The following PTTG1IP2 variants were observed in gnomAD, a reference collection of about 807,000 sequenced individuals.
PTTG1IP2 encodes the protein PTTG1IP family member 2.
chr7:90,484,032 GT>G (rs953015770), intron 2 of PTTG1IP2, among the ~76,000 whole-genome samples: 101 of 143,344 alleles, frequency 7.0e-4, no homozygotes, highest in Middle Eastern at 3.7e-3. Flanking sequence ...TTTCTGGATA[GT>G]TTTTTTTTTT....
At chr7:90,501,718 A>T (rs947877548) in intron 6 of PTTG1IP2, among the ~76,000 whole-genome samples, 1 of 152,162 alleles carries the variant, frequency 6.6e-6, no homozygotes, top group Non-Finnish European at 1.5e-5. Flanking sequence ...CAATCATCTG[A>T]ACATTTAGAA....
At chr7:90,500,173 C>G (rs565704063) in intron 6 of PTTG1IP2, among the ~76,000 whole-genome samples, 1 of 152,090 alleles carries the variant, frequency 6.6e-6, no homozygotes, top group South Asian at 2.1e-4. Flanking sequence ...AAGATTGTGC[C>G]GCTGCACTCC....
chr7:90,495,340 T>C (rs1173483121), intron 6 of PTTG1IP2, among the ~76,000 whole-genome samples: 2 of 152,214 alleles, frequency 1.3e-5, no homozygotes, highest in Non-Finnish European at 2.9e-5. Flanking sequence ...GCACTTAAAG[T>C]TCATCCTACC....
intron 6 of PTTG1IP2, among the ~76,000 whole-genome samples, chr7:90,497,321 T>C (rs899376088): frequency 6.6e-5 from 10 of 151,888 alleles, no homozygotes; most frequent in African/African-American, 9.7e-5. Flanking sequence ...TCCCAACACT[T>C]TGGGAAGCCG....
chr7:90,485,072 G>T (rs536730072), intron 2 of PTTG1IP2, among the ~76,000 whole-genome samples: 1 of 152,140 alleles, frequency 6.6e-6, no homozygotes, highest in African/African-American at 2.4e-5. Context: ...GTAGGAATAG[G>T]GTGAGGGAAA....
chr7:90,494,872 T>C (rs889493984), intron 6 of PTTG1IP2, among the ~76,000 whole-genome samples: 1 of 152,138 alleles, frequency 6.6e-6, no homozygotes, highest in African/African-American at 2.4e-5. Context: ...TAGCTGGGCA[T>C]GGTTGCATGT....
intron 1 of PTTG1IP2, among the ~76,000 whole-genome samples, chr7:90,478,158 G>C (rs1278724139): frequency 6.6e-6 from 1 of 151,004 alleles, no homozygotes; most frequent in Non-Finnish European, 1.5e-5. Context: ...GGGTATACAG[G>C]AACTCCCTGT....
chr7:90,480,485 G>A lies in PTTG1IP2; in HGVS notation c.192+1211G>A, dbSNP rs369336437. ...CTTTATACCCCGAAGAGCCATCTTG[G>A]TCAATTTTTTTAATGTATGCTCTTC... On this transcript the variant is annotated intron_variant, in intron 2 of 6. Coordinates refer to ENST00000509356, the MANE Select transcript of PTTG1IP2 (RefSeq NM_001365443.2). Among the ~76,000 whole-genome samples the A allele has an allele frequency of 1.8e-4, 27 of 152,064 alleles. 1 individual carries two copies. In the East Asian group the frequency reaches 2.1e-3, roughly 12 times the overall value.
rs1797659057 is a variant in PTTG1IP2, at chr7:90,469,712, C to CG, written c.-72dup. 2 of 152,722 alleles carry CG rather than the reference C, an allele frequency of 1.3e-5. No homozygotes were observed. The highest frequency in any genetic ancestry group is 6.5e-5 in the Admixed American group (1 of 15,292). 9.5% of individuals were successfully genotyped at this position (152,722 alleles called of 1,614,324 possible). On this transcript the variant is annotated 5_prime_UTR_variant, in exon 1 of 7. Coordinates refer to ENST00000509356, the MANE Select transcript of PTTG1IP2 (RefSeq NM_001365443.2). Reference sequence around the variant, plus strand: ...GCTGTGGTAGGTCACAGTCTCTGGGCGGGTCTCAGTGTCCAACACTGTAGC... The same window carrying CG: ...GCTGTGGTAGGTCACAGTCTCTGGGCGGGGTCTCAGTGTCCAACACTGTAGC...
At chr7:90,482,257 A>G (rs975940543) in intron 2 of PTTG1IP2, among the ~76,000 whole-genome samples, 19 of 152,200 alleles carry the variant, frequency 1.2e-4, no homozygotes, top group African/African-American at 4.6e-4. Flanking sequence ...GGATAAACAG[A>G]TGTCTTGGTA....
chr7:90,472,530 G>A (rs988311695), intron 1 of PTTG1IP2, among the ~76,000 whole-genome samples: 1 of 152,306 alleles, frequency 6.6e-6, no homozygotes, highest in Admixed American at 6.5e-5. Context: ...CAAGGCTTCC[G>A]AGTTTTCTCT....
chr7:90,505,742 T>C (rs1293007350), intron 6 of PTTG1IP2, among the ~76,000 whole-genome samples: 1 of 151,990 alleles, frequency 6.6e-6, no homozygotes, highest in Non-Finnish European at 1.5e-5. Flanking sequence ...CCCAGCACTT[T>C]GGGAGGCCGA....
intron 5 of PTTG1IP2, among the ~76,000 whole-genome samples, chr7:90,492,721 C>T (rs1396786346): frequency 1.3e-5 from 2 of 152,192 alleles, no homozygotes; most frequent in African/African-American, 2.4e-5. Context: ...CCAACCCAGT[C>T]GGAGATATTC....
At chr7:90,501,796 G>GGTT (rs1476862304) in intron 6 of PTTG1IP2, among the ~76,000 whole-genome samples, 1 of 152,154 alleles carries the variant, frequency 6.6e-6, no homozygotes, top group African/African-American at 2.4e-5. Flanking sequence ...TCAGGGTGGT[G>GGTT]GTTGCTGAAG....
chr7:90,490,443 A>AG (rs548672695), intron 4 of PTTG1IP2, among the ~76,000 whole-genome samples: 1 of 152,062 alleles, frequency 6.6e-6, no homozygotes, highest in East Asian at 1.9e-4. Flanking sequence ...AGAAAAAAAA[A>AG]AAAAAAAAGA....
intron 6 of PTTG1IP2, among the ~76,000 whole-genome samples, chr7:90,498,539 T>A (rs1798023869): frequency 1.3e-5 from 2 of 152,156 alleles, no homozygotes; most frequent in Non-Finnish European, 2.9e-5. Context: ...TCAAACAAAA[T>A]AGACTTTAAG....
At chr7:90,486,897 C>T (rs1424694417) in intron 2 of PTTG1IP2, among the ~76,000 whole-genome samples, 1 of 152,164 alleles carries the variant, frequency 6.6e-6, no homozygotes, top group Non-Finnish European at 1.5e-5. Flanking sequence ...AGATAAGCGG[C>T]AAGAGCCAAG....
At chr7:90,512,303 G>A (rs968163845) in intron 6 of PTTG1IP2, among the ~76,000 whole-genome samples, 3 of 152,108 alleles carry the variant, frequency 2.0e-5, no homozygotes, top group Non-Finnish European at 4.4e-5. Flanking sequence ...TAAAATTGTG[G>A]CACTGCTGGG....
chr7:90,479,160 CT>C (rs1346149078), intron 1 of PTTG1IP2, 67 bp from the exon 2 acceptor site: 19 of 152,572 alleles, frequency 1.2e-4, no homozygotes, highest in African/African-American at 4.6e-4. Flanking sequence ...ATGAAATGCA[CT>C]TTTATGTAAA....
Sources: gnomAD v4.1 joint callset for allele counts (sites outside exome capture counted in the v4.1 genomes callset) on GRCh38, gnomAD v4.1.1 for gene constraint, MANE v1.5 for transcripts, NCBI Gene and HGNC (gene_info 2026-07-23, HGNC 2026-07-21) for gene names.